The following ICE1 variants were observed in gnomAD, a reference collection of about 807,000 sequenced individuals.
ICE1 encodes the protein interactor of little elongation complex ELL subunit 1.
ICE1 carries 64 observed loss-of-function variants against 192.7 expected under a neutral mutation model. The observed-to-expected ratio is 0.33, with a 90% CI of 0.27 to 0.41. ICE1 has a LOEUF of 0.41. Ranked by LOEUF, ICE1 falls within the 10% of genes least tolerant of loss-of-function variation. ICE1 has a pLI of 1.00. For synonymous variants in ICE1, 1,010 were observed against 984.5 expected (o/e 1.03, Z -0.49); for missense variants, 2,708 against 2,696.0 (o/e 1.00, Z -0.10).
intron 7 of ICE1, among the ~76,000 whole-genome samples, chr5:5,446,870 A>G (rs754062448): frequency 1.3e-5 from 2 of 152,188 alleles, no homozygotes; most frequent in Non-Finnish European, 2.9e-5. Flanking sequence ...TCTTAATAGT[A>G]TGTCTGGACC....
In ICE1 at chr5:5,461,067, G is replaced by A. The variant is rs371131550; in HGVS notation, c.1733G>A (p.Arg578His). 231 of 1,613,912 alleles carry A rather than the reference G, an allele frequency of 1.4e-4. No homozygotes were observed. Among genetic ancestry groups the A allele is most frequent in the Admixed American group, 2.2e-4 (13 of 60,012 alleles). ...RINEITSEPD[R>H]ITVSGHFHRL... ...AATGAAATCACTTCTGAACCAGACC[G>A]TATCACAGTTTCTGGCCATTTTCAC... Residue 578 changes from arginine to histidine, a missense_variant, in exon 13 of 19, where the codon CGT becomes CAT. By Grantham distance (29) the Arg-to-His change is conservative (BLOSUM62 0). This residue lies in a region of ICE1 where 2,366 missense variants were observed against 2,276.6 expected (regional missense o/e 1.04). Coordinates refer to ENST00000296564, the MANE Select transcript of ICE1 (RefSeq NM_015325.3).
chr5:5,431,030 C>T (rs889356528), intron 1 of ICE1, among the ~76,000 whole-genome samples: 6 of 152,166 alleles, frequency 3.9e-5, no homozygotes, highest in East Asian at 1.9e-4. Context: ...GAAATAGTTT[C>T]GAGGCAGGGG....
intron 17 of ICE1, among the ~76,000 whole-genome samples, chr5:5,481,290 A>AT (rs144724823): frequency 0.043 from 6,542 of 152,136 alleles, 194 homozygotes; most frequent in Non-Finnish European, 0.062. Flanking sequence ...AAATATGGTG[A>AT]TTTTTTTGTT....
At chr5:5,475,494 G>A (rs1739282730) in intron 16 of ICE1, among the ~76,000 whole-genome samples, 1 of 152,214 alleles carries the variant, frequency 6.6e-6, no homozygotes, top group Non-Finnish European at 1.5e-5. Flanking sequence ...TTCAGTCAGT[G>A]GAAACTTTCT....
Position 5,447,853 on chromosome 5 carries a change from T to C in ICE1, c.560T>C (p.Ile187Thr), listed in dbSNP as rs767086381. Residue 187 changes from isoleucine to threonine, a missense_variant, in exon 10 of 19, where the codon ATT (isoleucine) becomes ACT (threonine). Physicochemically the swap from Ile to Thr is moderately conservative, Grantham distance 89. Transcript: ENST00000296564. Reference protein sequence around the residue: ...KQKNEKELRHIGTQISSDSYG... With the variant: ...KQKNEKELRHTGTQISSDSYG... ...CCCATGCTTTTAGAGTTGAGACATA[T>C]TGGAACACAAATTTCAAGTGATTCA... 3.2e-5 allele frequency: 51 copies of C among 1,579,304 alleles called. No individual in the cohort carries two copies. The Middle Eastern group carries it at 2.5e-3, about 77-fold the overall frequency.
chr5:5,446,573 A>T (rs1033355897), intron 7 of ICE1, among the ~76,000 whole-genome samples: 3 of 152,240 alleles, frequency 2.0e-5, no homozygotes, highest in Non-Finnish European at 2.9e-5. Flanking sequence ...GTCGTGAGCC[A>T]CTGCAAGGAA....
Position 5,452,996 on chromosome 5 carries a change from C to T in ICE1, c.605-1556C>T, listed in dbSNP as rs185545482. Among the ~76,000 whole-genome samples the T allele has an allele frequency of 3.3e-5, 5 of 152,106 alleles. No individual in the cohort carries two copies. In the East Asian group the frequency reaches 9.7e-4, roughly 29 times the overall value. On this transcript the variant is annotated intron_variant, in intron 10 of 18. Coordinates refer to ENST00000296564, the MANE Select transcript of ICE1 (RefSeq NM_015325.3). ...TTTCTGCTTTGTTGGGAATAGAGTGCTTTTATTTATTTATTTTTTGGGTCA... is the reference window on the plus strand; with the variant it reads ...TTTCTGCTTTGTTGGGAATAGAGTGTTTTTATTTATTTATTTTTTGGGTCA...
chr5:5,489,044 C>A (rs991432902), intron 18 of ICE1, 105 bp from the exon 19 acceptor site: 7 of 918,578 alleles, frequency 7.6e-6, no homozygotes, highest in African/African-American at 1.7e-5. Flanking sequence ...TCATTGCTGG[C>A]AGAAAGCATT....
chr5:5,440,876 A>G (rs1738026282), intron 4 of ICE1, among the ~76,000 whole-genome samples: 1 of 151,980 alleles, frequency 6.6e-6, no homozygotes, highest in East Asian at 1.9e-4. Context: ...ATTCCAGCCC[A>G]GGAGACAGAG....
chr5:5,454,426 A>G lies in ICE1; in HGVS notation c.605-126A>G, dbSNP rs13355905. 0.021 allele frequency: 13,212 copies of G among 615,752 alleles called. 1,314 individuals carry two copies. The African/African-American group carries it at 0.22, about 10-fold the overall frequency. 38.1% of individuals were successfully genotyped at this position (615,752 alleles called of 1,614,324 possible). A position where few individuals can be genotyped will look rare whatever the true frequency, so the allele number is the denominator to read the frequency against. The stretch of plus-strand genomic sequence containing the variant: ...CTGACTGTATTGTGCACAATGGTTG[A>G]GTTTGGGGAAGATGTATATGTAATT... On this transcript the variant is annotated intron_variant, in intron 10 of 18. Transcript: ENST00000296564.
In ICE1 at chr5:5,462,434, G is replaced by C. The variant is rs371867984; in HGVS notation, c.3100G>C (p.Val1034Leu). The C allele has an allele frequency of 1.1e-5, 17 of 1,613,904 alleles. No individual in the cohort carries two copies. Among genetic ancestry groups the C allele is most frequent in the Non-Finnish European group, 1.3e-5 (15 of 1,179,904 alleles). ...GAGATCTGGTGGTGAGGCCCTGGCT[G>C]TTGCAAATGATTCTACCAGCACACC... Reference protein sequence around the residue: ...TGRSGGEALAVANDSTSTPQN... With the variant: ...TGRSGGEALALANDSTSTPQN... The change falls in exon 13 of 19, where the codon GTT (valine) becomes CTT (leucine). Residue 1034 changes from valine (V) to leucine (L), a missense_variant. Physicochemically the swap from Val to Leu is conservative, Grantham distance 32. Transcript: ENST00000296564.
At chr5:5,435,673 GTTTTGTTTTT>G (rs1737851342) in intron 1 of ICE1, among the ~76,000 whole-genome samples, 1 of 59,302 alleles carries the variant, frequency 1.7e-5, no homozygotes, top group Non-Finnish European at 3.3e-5. Flanking sequence ...TTTTTTTTTT[GTTTTGTTTTT>G]GTTTTTTTTT....
intron 11 of ICE1, among the ~76,000 whole-genome samples, chr5:5,455,321 G>A (rs950480434): frequency 1.3e-5 from 2 of 152,148 alleles, no homozygotes; most frequent in Non-Finnish European, 2.9e-5. Context: ...TCGAGTGTAC[G>A]GAGGCATATT....
Position 5,439,923 on chromosome 5 carries a change from C to A in ICE1, c.197+10C>A, listed in dbSNP as rs1398475231. On this transcript the variant is annotated intron_variant, in intron 4 of 18. Transcript: ENST00000296564. ...TGCAGTTTGCAAGAAGGTGAGCCAA[C>A]CTGTTTCATAGTTTATGATACCACC... 7.1e-6 allele frequency: 11 copies of A among 1,550,798 alleles called. No individual in the cohort carries two copies. The highest frequency in any genetic ancestry group is 9.6e-6 in the Non-Finnish European group (11 of 1,145,488).
At position 5,463,397 on chromosome 5, in the gene ICE1, C is replaced by T; in HGVS notation, c.4063C>T (p.Gln1355Ter). 6.2e-7 allele frequency: 1 copy of T among 1,613,732 alleles called. No individual in the cohort carries two copies. Among genetic ancestry groups the T allele is most frequent in the Non-Finnish European group, 8.5e-7 (1 of 1,179,820 alleles). Residue 1355 changes from glutamine (Q) to a stop codon, truncating the protein, a stop_gained, in exon 13 of 19, where the codon CAA becomes TAA. Transcript: ENST00000296564. LOFTEE classifies it high-confidence loss of function. The part of the protein sequence containing the change: ...RPEARSDAGR[Q>*]TDGGEEDLPE... ...AGAGGCCCGTTCAGATGCAGGCAGG[C>T]AAACCGATGGTGGGGAAGAAGACCT...
At chr5:5,443,704 G>C (rs1259541406) in intron 6 of ICE1, among the ~76,000 whole-genome samples, 1 of 152,124 alleles carries the variant, frequency 6.6e-6, no homozygotes, top group Non-Finnish European at 1.5e-5. Context: ...TCATAAAAAG[G>C]GCTGTTCAGA....
chr5:5,464,925 C>G lies in ICE1; in HGVS notation c.5591C>G (p.Ala1864Gly). The change falls in exon 13 of 19, where the codon GCA (alanine) becomes GGA (glycine). Residue 1864 changes from alanine (A) to glycine (G), a missense_variant. Physicochemically the swap from Ala to Gly is moderately conservative, Grantham distance 60 (BLOSUM62 0). Around this residue, in one of 2 missense-constraint regions of ICE1, gnomAD observed 2,366 missense variants for 2,276.6 expected, o/e 1.04. Coordinates refer to ENST00000296564, the MANE Select transcript of ICE1 (RefSeq NM_015325.3). The surrounding 1 kb of genome is among the most constrained non-coding windows in gnomAD (Gnocchi z 4.0). The stretch of plus-strand genomic sequence containing the variant: ...GAACCAGAAACCAGGGGAGTCACTG[C>G]AGAAGGAATCCACAAAAACCTCCCA... The part of the protein sequence containing the change: ...SPEPETRGVT[A>G]EGIHKNLPGN... 1.2e-6 allele frequency: 2 copies of G among 1,613,524 alleles called. No homozygotes were observed. Among genetic ancestry groups the G allele is most frequent in the South Asian group, 1.1e-5 (1 of 90,970 alleles).
intron 5 of ICE1, among the ~76,000 whole-genome samples, chr5:5,442,040 T>C (rs1373131381): frequency 6.6e-6 from 1 of 152,226 alleles, no homozygotes; most frequent in Non-Finnish European, 1.5e-5. Context: ...TGAAAATACG[T>C]ATGTCTTTTC....
At chr5:5,486,649 G>T in intron 17 of ICE1, 72 bp from the exon 18 acceptor site, 1 of 1,008,218 alleles carries the variant, frequency 9.9e-7, no homozygotes, top group South Asian at 1.4e-5. Flanking sequence ...AAGAGAAGTG[G>T]ACCTTTAAAT....
Sources: allele counts gnomAD v4.1 joint callset (sites outside exome capture counted in the v4.1 genomes callset), GRCh38; gene constraint gnomAD v4.1.1; regional missense constraint gnomAD v4.1.1; non-coding constraint Gnocchi (gnomAD v3.1); transcripts MANE v1.5; gene names NCBI Gene and HGNC (gene_info 2026-07-23, HGNC 2026-07-21).